The following COL8A1 variants were observed in gnomAD, a reference collection of about 807,000 sequenced individuals.
COL8A1 encodes the protein collagen alpha-1(VIII) chain.
A neutral mutation model predicts 42.7 loss-of-function variants in COL8A1; 21 were observed. The ratio of observed to expected loss-of-function variants is 0.49; its 90% confidence interval spans 0.35 to 0.71. COL8A1 has a LOEUF of 0.71. Ranked by LOEUF, COL8A1 falls within the 30% of genes least tolerant of loss-of-function variation. COL8A1 has a pLI of 0.01. For synonymous variants in COL8A1, 367 were observed against 369.1 expected (o/e 0.99, Z 0.06); for missense variants, 788 against 962.4 (o/e 0.82, Z 2.40).
chr3:99,690,959 G>GAA (rs573264462), intron 1 of COL8A1, among the ~76,000 whole-genome samples: 144 of 152,334 alleles, frequency 9.5e-4, no homozygotes, highest in African/African-American at 3.2e-3. Flanking sequence ...CCTGAACAAT[G>GAA]TGGATTTGAA....
intron 2 of COL8A1, among the ~76,000 whole-genome samples, chr3:99,767,525 T>A (rs889060451): frequency 1.3e-5 from 2 of 152,162 alleles, no homozygotes; most frequent in Non-Finnish European, 2.9e-5. Context: ...ACCCAACATG[T>A]TTTTTTGGAA....
At chr3:99,671,810 C>T (rs1938554629) in intron 1 of COL8A1, among the ~76,000 whole-genome samples, 1 of 151,920 alleles carries the variant, frequency 6.6e-6, no homozygotes, top group South Asian at 2.1e-4. Context: ...CAGTAATCTA[C>T]CACTGGGTGT....
At chr3:99,689,609 T>G (rs73858894) in intron 1 of COL8A1, among the ~76,000 whole-genome samples, 2,175 of 152,328 alleles carry the variant, frequency 0.014, 52 homozygotes, top group African/African-American at 0.049. Flanking sequence ...TGACTTACTT[T>G]TTTAAACATA....
intron 2 of COL8A1, among the ~76,000 whole-genome samples, chr3:99,788,039 TG>T (rs764413611): frequency 7.4e-4 from 113 of 152,356 alleles, no homozygotes; most frequent in Middle Eastern, 3.4e-3. Context: ...CCTTCTTTCT[TG>T]CCAGGTGTTT....
At position 99,795,176 on chromosome 3, in the gene COL8A1, A is replaced by G. The variant is rs1942079295; in HGVS notation, c.1275A>G (p.Pro425=). ...EGGIVGPQGP[P]GPKGEPGLQG... is the part of the protein sequence containing the mutation. The stretch of plus-strand genomic sequence containing the variant: ...GGATTGTAGGGCCACAGGGGCCACC[A>G]GGTCCCAAGGGTGAGCCAGGGCTTC... Residue 425 remains proline, a synonymous_variant, in exon 4 of 4, where the codon CCA becomes CCG. Coordinates refer to ENST00000652472, the MANE Select transcript of COL8A1 (RefSeq NM_020351.4). The G allele has an allele frequency of 2.5e-6, 4 of 1,613,804 alleles. No homozygotes were observed. Among genetic ancestry groups the G allele is most frequent in the African/African-American group, 1.3e-5 (1 of 74,992 alleles).
chr3:99,790,742 T>A lies in COL8A1; in HGVS notation c.60T>A (p.Ser20Arg), dbSNP rs1941985150. Residue 20 changes from serine to arginine, a missense_variant, in exon 3 of 4, where the codon AGT becomes AGA. Transcript: ENST00000652472. ...LLGVLLTISL[S>R]SIRLIQAGAY... ...GAGTGCTGCTTACCATTTCCCTGAG[T>A]TCCATCAGGCTCATTCAGGCTGGTG... 6.2e-7 allele frequency: 1 copy of A among 1,614,130 alleles called. No homozygotes were observed.
At chr3:99,701,836 A>G (rs1939549376) in intron 1 of COL8A1, among the ~76,000 whole-genome samples, 1 of 152,190 alleles carries the variant, frequency 6.6e-6, no homozygotes, top group Non-Finnish European at 1.5e-5. Flanking sequence ...TCACAATCCC[A>G]TGCTCTTTTC....
chr3:99,669,804 T>G (rs1218769230), intron 1 of COL8A1, among the ~76,000 whole-genome samples: 1 of 151,992 alleles, frequency 6.6e-6, no homozygotes, highest in Non-Finnish European at 1.5e-5. Context: ...AGAAACAAAG[T>G]TTATATTTCA....
intron 2 of COL8A1, among the ~76,000 whole-genome samples, chr3:99,754,145 A>G (rs890461250): frequency 6.6e-6 from 1 of 152,204 alleles, no homozygotes; most frequent in African/African-American, 2.4e-5. Context: ...TAATTAAAGA[A>G]ATGTTTCTAC....
intron 2 of COL8A1, among the ~76,000 whole-genome samples, chr3:99,781,252 T>C (rs1201594385): frequency 2.0e-5 from 3 of 152,198 alleles, no homozygotes; most frequent in African/African-American, 7.2e-5. Context: ...GGACTAAATA[T>C]TGCAACTTTA....
chr3:99,751,439 T>C (rs1941146362), intron 2 of COL8A1, among the ~76,000 whole-genome samples: 1 of 152,156 alleles, frequency 6.6e-6, no homozygotes, highest in African/African-American at 2.4e-5. Context: ...GTGCCTGTAA[T>C]CCCAGCTACT....
At chr3:99,682,756 G>C (rs1938927802) in intron 1 of COL8A1, among the ~76,000 whole-genome samples, 2 of 152,128 alleles carry the variant, frequency 1.3e-5, no homozygotes, top group African/African-American at 4.8e-5. Context: ...CTATTGAACA[G>C]TATCTGTTGA....
chr3:99,664,732 T>A (rs1938311910), intron 1 of COL8A1, among the ~76,000 whole-genome samples: 1 of 152,184 alleles, frequency 6.6e-6, no homozygotes, highest in South Asian at 2.1e-4. Flanking sequence ...AAAAATTGTA[T>A]TCAACCTGCT....
intron 2 of COL8A1, among the ~76,000 whole-genome samples, chr3:99,784,976 C>T (rs1016822210): frequency 6.6e-6 from 1 of 152,106 alleles, no homozygotes; most frequent in African/African-American, 2.4e-5. Context: ...ATGATCTTAG[C>T]ACAACAATAA....
chr3:99,786,353 A>G (rs747659821), intron 2 of COL8A1, among the ~76,000 whole-genome samples: 13 of 152,202 alleles, frequency 8.5e-5, no homozygotes, highest in Non-Finnish European at 1.6e-4. Flanking sequence ...TCATGAGTGC[A>G]AAGTCCTCAT....
intron 1 of COL8A1, among the ~76,000 whole-genome samples, chr3:99,729,967 G>T (rs1286863986): frequency 6.6e-6 from 1 of 152,044 alleles, no homozygotes; most frequent in Non-Finnish European, 1.5e-5. Flanking sequence ...GTTGATCAAT[G>T]AACATTTGTC....
chr3:99,799,054 T>G lies in COL8A1; in HGVS notation c.*2918T>G, dbSNP rs1942149937. ...CCACAGGGGAAAAGAATGTCTGTAG[T>G]GGGTGACTGTTATCAAATATTTTAT... On this transcript the variant is annotated 3_prime_UTR_variant, in exon 4 of 4. Transcript: ENST00000652472. The G allele has an allele frequency of 6.6e-6, 1 of 152,240 alleles. No homozygotes were observed. 9.4% of individuals were successfully genotyped at this position (152,240 alleles called of 1,614,324 possible). A position where few individuals can be genotyped will look rare whatever the true frequency, so the allele number is the denominator to read the frequency against.
At chr3:99,727,829 G>A (rs1485843112) in intron 1 of COL8A1, among the ~76,000 whole-genome samples, 2 of 151,970 alleles carry the variant, frequency 1.3e-5, no homozygotes, top group Non-Finnish European at 2.9e-5. Flanking sequence ...ATGCAAGGCT[G>A]GTTCAACATA....
Position 99,769,702 on chromosome 3 carries a change from C to T in COL8A1, c.-3-20978C>T, listed in dbSNP as rs974960837. Among the ~76,000 whole-genome samples, 12 of 152,108 alleles carry T rather than the reference C, an allele frequency of 7.9e-5. No homozygotes were observed. The East Asian group carries it at 2.3e-3, about 29-fold the overall frequency. ...TTGGGAGGCCAAGGCGGGTGGATCACGAGGTCAGGAGATTGAGACCAGCCT... is the reference window on the plus strand; with the variant it reads ...TTGGGAGGCCAAGGCGGGTGGATCATGAGGTCAGGAGATTGAGACCAGCCT... On this transcript the variant is annotated intron_variant, in intron 2 of 3. Coordinates refer to ENST00000652472, the MANE Select transcript of COL8A1 (RefSeq NM_020351.4).
Sources: gnomAD v4.1 joint callset for allele counts (sites outside exome capture counted in the v4.1 genomes callset) on GRCh38, gnomAD v4.1.1 for gene constraint, MANE v1.5 for transcripts, NCBI Gene and HGNC (gene_info 2026-07-23, HGNC 2026-07-21) for gene names.